Variants in BACE1 observed in about 807,000 individuals in gnomAD.
BACE1 encodes the protein APP beta-secretase.
BACE1 carries 21 observed loss-of-function variants against 54.0 expected under a neutral mutation model. The observed-to-expected ratio is 0.39, with a 90% CI of 0.28 to 0.56. The LOEUF (loss-of-function observed/expected upper bound fraction) is 0.56. Among genes scored for constraint, BACE1 ranks in the 20% least tolerant of loss-of-function variants. BACE1 has a pLI of 0.63. For missense variants in BACE1, 511 were observed against 661.2 expected, an observed-to-expected ratio of 0.77 and a Z score of 2.49; for synonymous variants, 232 against 260.9, an observed-to-expected ratio of 0.89 and a Z score of 1.07.
At position 117,314,988 on chromosome 11, in the gene BACE1, C is replaced by T. The variant is rs1055805477; in HGVS notation, c.261+547G>A. ...CAGGAGCCTGTCCAGGGCTTCCGGG[C>T]GGAGTGCAGTCAGGGGGGCCTCGAC... is the stretch of plus-strand genomic sequence containing the variant. On this transcript the variant is annotated intron_variant, in intron 1 of 8. Transcript: ENST00000313005. Among the ~76,000 whole-genome samples, 6 of 152,164 alleles carry T rather than the reference C, an allele frequency of 3.9e-5. No homozygotes were observed. The South Asian group carries it at 8.3e-4, about 21-fold the overall frequency.
At chr11:117,300,449 T>A (rs1298698849) in intron 1 of BACE1, among the ~76,000 whole-genome samples, 1 of 150,722 alleles carries the variant, frequency 6.6e-6, no homozygotes, top group African/African-American at 2.5e-5. Flanking sequence ...CCTGCTCCAT[T>A]CCAAGCGGGG....
intron 1 of BACE1, chr11:117,297,254 C>CA (rs1297521036): frequency 8.9e-6 from 3 of 335,614 alleles, no homozygotes; most frequent in Admixed American, 5.2e-5. Context: ...GCAAGGGAGT[C>CA]AAAAAAATAT....
rs1029948080 is a variant in BACE1 at position 117,286,545 on chromosome 11, G to A, written c.*3021C>T. On this transcript the variant is annotated 3_prime_UTR_variant, in exon 9 of 9. Coordinates refer to ENST00000313005, the MANE Select transcript of BACE1 (RefSeq NM_012104.6). ...TTTTTTCCATTCTGGGACCTAAAAT[G>A]CTTACAGGTACTAGCAGTACATGTC... The A allele has an allele frequency of 2.0e-5, 3 of 152,556 alleles. No individual in the cohort carries two copies. The highest frequency in any genetic ancestry group is 7.2e-5 in the African/African-American group (3 of 41,426). 9.5% of individuals were successfully genotyped at this position (152,556 alleles called of 1,614,324 possible). A position where few individuals can be genotyped will look rare whatever the true frequency, so the allele number is the denominator to read the frequency against.
At chr11:117,305,812 G>T (rs891905575) in intron 1 of BACE1, among the ~76,000 whole-genome samples, 2 of 152,000 alleles carry the variant, frequency 1.3e-5, no homozygotes, top group Non-Finnish European at 2.9e-5. Context: ...GAGGCGGACG[G>T]ATCACAAAGT....
chr11:117,304,205 C>T (rs1051682702), intron 1 of BACE1, among the ~76,000 whole-genome samples: 5 of 152,196 alleles, frequency 3.3e-5, no homozygotes, highest in South Asian at 2.1e-4. Context: ...CCTCTTGGAA[C>T]GCTGTCCTCA....
At chr11:117,295,905 C>G (rs1241901754) in intron 2 of BACE1, among the ~76,000 whole-genome samples, 1 of 152,188 alleles carries the variant, frequency 6.6e-6, no homozygotes, top group Non-Finnish European at 1.5e-5. Context: ...GGCAGCCCCA[C>G]CTGTGTTTAA....
intron 6 of BACE1, 70 bp downstream of exon 6, chr11:117,291,642 A>T (rs2034440384): frequency 8.7e-7 from 1 of 1,143,378 alleles, no homozygotes; most frequent in African/African-American, 1.5e-5. Flanking sequence ...CTGTTGCTGA[A>T]GAATGTGACT....
In BACE1 at chr11:117,302,553, TC is replaced by T. The variant is rs1209990373; in HGVS notation, c.262-5593del. 2.0e-5 allele frequency among the ~76,000 whole-genome samples: 3 copies of T among 152,156 alleles called. No homozygotes were observed. In the East Asian group the frequency reaches 5.8e-4, roughly 30 times the overall value. ...TCCTGCCATCTGAGCTCAAGGGACT[TC>T]CTTAGGGAGAGAGACCAGGTTATAT... On this transcript the variant is annotated intron_variant, in intron 1 of 8. Coordinates refer to ENST00000313005, the MANE Select transcript of BACE1 (RefSeq NM_012104.6).
At chr11:117,291,596 G>T in intron 6 of BACE1, 116 bp downstream of exon 6, 2 of 730,344 alleles carry the variant, frequency 2.7e-6, no homozygotes, top group Non-Finnish European at 2.3e-6. Context: ...TGTTTTAAGA[G>T]CTCTGAGTAG....
rs147474678 is a variant in BACE1 at position 117,299,536 on chromosome 11, C to G, written c.262-2575G>C. The G allele has an allele frequency of 2.6e-3, 759 of 296,852 alleles. 4 individuals are homozygous for G. The highest frequency in any genetic ancestry group is 5.7e-3 in the Admixed American group (105 of 18,482). 18.4% of individuals were successfully genotyped at this position (296,852 alleles called of 1,614,324 possible). ...TTAGACCTCCTGGCCTCCTCACATC[C>G]CCAAAGACTCCTCTGACAATCTCCC... On this transcript the variant is annotated intron_variant, in intron 1 of 8. Transcript: ENST00000313005.
intron 2 of BACE1, 177 bp from the exon 3 acceptor site, chr11:117,295,524 T>C: frequency 1.3e-6 from 2 of 1,536,012 alleles, no homozygotes; most frequent in East Asian, 2.4e-5. Flanking sequence ...TAAAGTGGGC[T>C]TGCAGATAGA....
intron 1 of BACE1, among the ~76,000 whole-genome samples, chr11:117,298,584 C>T (rs879113450): frequency 6.6e-6 from 1 of 152,190 alleles, no homozygotes; most frequent in African/African-American, 2.4e-5. Flanking sequence ...ACCAGGATGG[C>T]ACATCAGTGT....
At position 117,303,951 on chromosome 11, in the gene BACE1, C is replaced by T. The variant is rs758735455; in HGVS notation, c.262-6990G>A. Among the ~76,000 whole-genome samples, 140 of 152,292 alleles carry T rather than the reference C, an allele frequency of 9.2e-4. 2 individuals are homozygous for T. The highest frequency in any genetic ancestry group is 6.9e-4 in the Non-Finnish European group (47 of 68,014). On this transcript the variant is annotated intron_variant, in intron 1 of 8. Coordinates refer to ENST00000313005, the MANE Select transcript of BACE1 (RefSeq NM_012104.6). ...ATGCCACAAAGCTAGGACAAGAATC[C>T]GTTGGTTCTGACCAAGCCTTAAGTG...
At position 117,315,190 on chromosome 11, in the gene BACE1, C is replaced by T. The variant is rs1437425763; in HGVS notation, c.261+345G>A. Among the ~76,000 whole-genome samples the T allele has an allele frequency of 2.0e-5, 3 of 152,308 alleles. No homozygotes were observed. The East Asian group carries it at 5.8e-4, about 29-fold the overall frequency. On this transcript the variant is annotated intron_variant, in intron 1 of 8. Coordinates refer to ENST00000313005, the MANE Select transcript of BACE1 (RefSeq NM_012104.6). The surrounding 1 kb of genome is among the most constrained non-coding windows in gnomAD (Gnocchi z 5.5). ...GGGATTTGGGAGACTCGGACTGGGC[C>T]ACTGTCAGAGGGGGCTGACACCTGT...
Position 117,293,214 on chromosome 11 carries a change from C to A in BACE1, c.706-26G>T. The A allele has an allele frequency of 6.2e-7, 1 of 1,610,396 alleles. No homozygotes were observed. Among genetic ancestry groups the A allele is most frequent in the East Asian group, 2.2e-5 (1 of 44,680 alleles). On this transcript the variant is annotated intron_variant, in intron 4 of 8. Transcript: ENST00000313005. This position sits in a 1 kb window ranked among gnomAD's most constrained non-coding sequence, Gnocchi z 4.1. ...CTAGGGAAAAAAAGAGGCAGGTACCCGTGTCCTGGCACAGAAGGAGAGTGA... is the reference window on the plus strand; with the variant it reads ...CTAGGGAAAAAAAGAGGCAGGTACCAGTGTCCTGGCACAGAAGGAGAGTGA...
intron 1 of BACE1, among the ~76,000 whole-genome samples, chr11:117,300,624 G>A (rs975632149): frequency 6.6e-6 from 1 of 152,152 alleles, no homozygotes; most frequent in African/African-American, 2.4e-5. Context: ...ACTGAACTGG[G>A]CCAGGGGATG....
chr11:117,288,350 G>A lies in BACE1; in HGVS notation c.*1216C>T, dbSNP rs886744404. On this transcript the variant is annotated 3_prime_UTR_variant, in exon 9 of 9. Coordinates refer to ENST00000313005, the MANE Select transcript of BACE1 (RefSeq NM_012104.6). ...GAGGGGCCATTAGAGAGGGTAGGAA[G>A]GCAATGAAACCACTCTGAATTATGT... 2.0e-5 allele frequency: 3 copies of A among 152,530 alleles called. No individual in the cohort carries two copies. The highest frequency in any genetic ancestry group is 4.4e-5 in the Non-Finnish European group (3 of 68,072). 9.4% of individuals were successfully genotyped at this position (152,530 alleles called of 1,614,324 possible). A position where few individuals can be genotyped will look rare whatever the true frequency, so the allele number is the denominator to read the frequency against.
intron 2 of BACE1, 95 bp from the exon 3 acceptor site, chr11:117,295,442 CAG>C (rs1315066651): frequency 2.1e-5 from 32 of 1,544,622 alleles, no homozygotes; most frequent in East Asian, 7.3e-5. Context: ...TATCTCATCT[CAG>C]GGGAATCCTA....
chr11:117,291,896 C>G, intron 5 of BACE1, 83 bp from the exon 6 acceptor site: 2 of 1,036,536 alleles, frequency 1.9e-6, no homozygotes, highest in Non-Finnish European at 1.5e-6. Context: ...TGCTGGGGCC[C>G]CAGCTGGGTT....
Sources: allele counts gnomAD v4.1 joint callset (sites outside exome capture counted in the v4.1 genomes callset), GRCh38; gene constraint gnomAD v4.1.1; non-coding constraint Gnocchi (gnomAD v3.1); transcripts MANE v1.5; gene names NCBI Gene and HGNC (gene_info 2026-07-23, HGNC 2026-07-21).